The following CEP85L variants were observed in gnomAD, a reference collection of about 807,000 sequenced individuals.
CEP85L encodes the protein centrosomal protein 85L.
CEP85L carries 60 observed loss-of-function variants against 100.3 expected under a neutral mutation model. The ratio of observed to expected loss-of-function variants is 0.60; its 90% CI spans 0.49 to 0.74. CEP85L has a LOEUF of 0.74. Ranked by LOEUF, CEP85L falls within the 30% of genes least tolerant of loss-of-function variation. The pLI, the probability that CEP85L is intolerant of heterozygous loss-of-function variation, is 0.00. For missense variants in CEP85L, 973 were observed against 936.2 expected (o/e 1.04, Z -0.51); for synonymous variants, 319 against 322.7 (o/e 0.99, Z 0.12).
intron 2 of CEP85L, among the ~76,000 whole-genome samples, chr6:118,570,546 T>C (rs1015590466): frequency 1.3e-5 from 2 of 152,198 alleles, no homozygotes; most frequent in Non-Finnish European, 2.9e-5. Flanking sequence ...AGCTGATATA[T>C]GCTGTCCATA....
intron 3 of CEP85L, among the ~76,000 whole-genome samples, chr6:118,525,053 T>C (rs1197668500): frequency 6.6e-6 from 1 of 152,190 alleles, no homozygotes; most frequent in Admixed American, 6.5e-5. Flanking sequence ...TAAATTCCTT[T>C]CCAATCACCC....
At chr6:118,507,575 C>T (rs973777201) in intron 5 of CEP85L, among the ~76,000 whole-genome samples, 5 of 152,178 alleles carry the variant, frequency 3.3e-5, no homozygotes, top group East Asian at 1.9e-4. Flanking sequence ...TGATATCACT[C>T]GGCCCTTGCT....
At chr6:118,613,980 TAAC>T (rs1236083522) in intron 2 of CEP85L, among the ~76,000 whole-genome samples, 3 of 152,050 alleles carry the variant, frequency 2.0e-5, no homozygotes, top group African/African-American at 7.2e-5. Flanking sequence ...AAACAATCCT[TAAC>T]AAACTATAAA....
intron 2 of CEP85L, among the ~76,000 whole-genome samples, chr6:118,591,999 G>T (rs914791875): frequency 2.0e-5 from 3 of 152,052 alleles, no homozygotes; most frequent in African/African-American, 7.2e-5. Context: ...TTGAAATTAC[G>T]ATTTCACAAG....
chr6:118,581,809 GA>G (rs530107708), intron 2 of CEP85L, among the ~76,000 whole-genome samples: 2 of 151,672 alleles, frequency 1.3e-5, no homozygotes, highest in Admixed American at 6.6e-5. Flanking sequence ...CTGAGACTTT[GA>G]AAAAAAAGTG....
chr6:118,490,648 G>T (rs942587219), intron 6 of CEP85L, among the ~76,000 whole-genome samples: 3 of 152,118 alleles, frequency 2.0e-5, no homozygotes, highest in African/African-American at 7.2e-5. Context: ...GTACAAGAAC[G>T]TTCACAGCAG....
Position 118,464,874 on chromosome 6 carries a change from T to C in CEP85L, c.*531A>G, listed in dbSNP as rs1772407896. The C allele has an allele frequency of 6.6e-6, 1 of 152,414 alleles. No individual in the cohort carries two copies. The highest frequency in any genetic ancestry group is 6.6e-5 in the Admixed American group (1 of 15,260). 9.4% of individuals were successfully genotyped at this position (152,414 alleles called of 1,614,324 possible). The stretch of plus-strand genomic sequence containing the variant: ...CCTCCTGTACTACCATGACAACACT[T>C]GCCTGCTGTTTGAACTCTTGTTCAG... On this transcript the variant is annotated 3_prime_UTR_variant, in exon 13 of 13. Coordinates refer to ENST00000368491, the MANE Select transcript of CEP85L (RefSeq NM_001042475.3).
At chr6:118,635,358 T>C (rs1249961656) in intron 1 of CEP85L, among the ~76,000 whole-genome samples, 1 of 152,186 alleles carries the variant, frequency 6.6e-6, no homozygotes, top group Non-Finnish European at 1.5e-5. Context: ...GCTATATACA[T>C]AATATGATTC....
Position 118,465,339 on chromosome 6 carries a change from A to T in CEP85L, c.*66T>A. 2.0e-6 allele frequency: 3 copies of T among 1,476,486 alleles called. No individual in the cohort carries two copies. Among genetic ancestry groups the T allele is most frequent in the Non-Finnish European group, 2.7e-6 (3 of 1,092,102 alleles). 91.5% of individuals were successfully genotyped at this position (1,476,486 alleles called of 1,614,324 possible). ...CAAGTCATGTCACTTGCAACCTTCC[A>T]TTATGGCTCCATAACACAGCAGCAT... is the stretch of plus-strand genomic sequence containing the variant. On this transcript the variant is annotated 3_prime_UTR_variant, in exon 13 of 13. Transcript: ENST00000368491.
chr6:118,553,215 T>TAAAAAAAAAAAAA (rs59502810), intron 3 of CEP85L, among the ~76,000 whole-genome samples: 1 of 138,942 alleles, frequency 7.2e-6, no homozygotes, highest in African/African-American at 2.6e-5. Context: ...GTTAAGAAAT[T>TAAAAAAAAAAAAA]AAAAAAAAAA....
intron 1 of CEP85L, chr6:118,664,645 A>C (rs1269398106): frequency 6.6e-6 from 1 of 152,264 alleles, no homozygotes; most frequent in Non-Finnish European, 1.5e-5. Context: ...CTGGGTTTTC[A>C]GAAAATGTGG....
At chr6:118,486,050 CA>C (rs1774157690) in intron 6 of CEP85L, among the ~76,000 whole-genome samples, 1 of 152,222 alleles carries the variant, frequency 6.6e-6, no homozygotes, top group Non-Finnish European at 1.5e-5. Context: ...CCCTTGATCA[CA>C]AATTGCTGCC....
intron 1 of CEP85L, among the ~76,000 whole-genome samples, chr6:118,689,180 T>C (rs1776947770): frequency 6.6e-6 from 1 of 152,194 alleles, no homozygotes; most frequent in Non-Finnish European, 1.5e-5. Flanking sequence ...CAACCTCTGC[T>C]TTCAGGGGAA....
At chr6:118,589,891 T>A (rs1014105084) in intron 2 of CEP85L, among the ~76,000 whole-genome samples, 1 of 152,212 alleles carries the variant, frequency 6.6e-6, no homozygotes, top group African/African-American at 2.4e-5. Flanking sequence ...TGAGACATAG[T>A]TAATGCATAT....
chr6:118,570,332 G>A (rs886319314), intron 2 of CEP85L, among the ~76,000 whole-genome samples: 2 of 152,140 alleles, frequency 1.3e-5, no homozygotes, highest in African/African-American at 4.8e-5. Context: ...TCTAAAGTAT[G>A]AATAATAAAT....
At chr6:118,581,395 T>C (rs78982891) in intron 2 of CEP85L, among the ~76,000 whole-genome samples, 1,881 of 152,154 alleles carry the variant, frequency 0.012, 17 homozygotes, top group Middle Eastern at 0.02. Flanking sequence ...AAAGGGGCCT[T>C]CCCCAATTAC....
intron 2 of CEP85L, among the ~76,000 whole-genome samples, chr6:118,570,039 T>TA (rs1779792636): frequency 6.6e-6 from 1 of 152,128 alleles, no homozygotes; most frequent in Non-Finnish European, 1.5e-5. Flanking sequence ...TGAATACACA[T>TA]ATGTGAACAT....
At chr6:118,595,986 C>A (rs1433260978) in intron 2 of CEP85L, among the ~76,000 whole-genome samples, 1 of 152,102 alleles carries the variant, frequency 6.6e-6, no homozygotes, top group Non-Finnish European at 1.5e-5. Flanking sequence ...ACACAAATTT[C>A]ATGTACATTA....
rs1160030823 is a variant in CEP85L at position 118,491,196 on chromosome 6, TACACACACACACAC to T, written c.1437+476_1437+489del. ...CCCTTCTATTTCATACCAACATCTA[TACACACACACACAC>T]ACACACACACACACACACACACACA... is the stretch of plus-strand genomic sequence containing the variant. On this transcript the variant is annotated intron_variant, in intron 6 of 12. Coordinates refer to ENST00000368491, the MANE Select transcript of CEP85L (RefSeq NM_001042475.3). 7.7e-5 allele frequency among the ~76,000 whole-genome samples: 9 copies of T among 116,432 alleles called. No individual in the cohort carries two copies. In the Middle Eastern group the frequency reaches 0.013, roughly 170 times the overall value. The allele number at this position is 116,432 out of a possible 152,430, so 76.4% of individuals were successfully genotyped here.
Sources: allele counts gnomAD v4.1 joint callset (sites outside exome capture counted in the v4.1 genomes callset), GRCh38; gene constraint gnomAD v4.1.1; transcripts MANE v1.5; gene names NCBI Gene and HGNC (gene_info 2026-07-23, HGNC 2026-07-21).